Variants in TANGO2 observed in about 807,000 individuals in gnomAD.
TANGO2 encodes transport and Golgi organization protein 2 homolog.
A neutral mutation model predicts 39.1 loss-of-function variants in TANGO2; 26 were observed. The ratio of observed to expected loss-of-function variants is 0.67; its 90% CI spans 0.49 to 0.92. TANGO2 has a LOEUF of 0.92. Ranked by LOEUF, TANGO2 falls within the 40% of genes least tolerant of loss-of-function variation. The pLI, the probability that TANGO2 is intolerant of heterozygous loss-of-function variation, is 0.00. For missense variants in TANGO2, 326 were observed against 360.1 expected (o/e 0.91, Z 0.77); for synonymous variants, 131 against 144.5 (o/e 0.91, Z 0.67).
At chr22:20,036,705 G>A in intron 1 of TANGO2, 55 bp from the exon 2 acceptor site, 1 of 1,485,374 alleles carries the variant, frequency 6.7e-7, no homozygotes, top group Non-Finnish European at 9.4e-7. Context: ...CAGGTTCGGA[G>A]GGCAGCCCTG....
chr22:20,056,747 A>G (rs561397630), intron 6 of TANGO2: 15 of 456,222 alleles, frequency 3.3e-5, no homozygotes, highest in Non-Finnish European at 5.3e-5. Context: ...CTCCTGGGAA[A>G]TGGCATTTCC....
At chr22:20,030,441 G>T (rs62223729) in intron 1 of TANGO2, among the ~76,000 whole-genome samples, 5 of 152,062 alleles carry the variant, frequency 3.3e-5, no homozygotes, top group Non-Finnish European at 7.4e-5. Context: ...CTGCCTCCTG[G>T]GTTCAAGCAA....
chr22:20,052,190 G>T (rs1232881076), intron 3 of TANGO2, among the ~76,000 whole-genome samples: 1 of 152,222 alleles, frequency 6.6e-6, no homozygotes, highest in Admixed American at 6.5e-5. Flanking sequence ...GATGTGTTCT[G>T]CAGGGCATCT....
chr22:20,031,556 TACATATCTGG>T (rs1362441630), intron 1 of TANGO2, among the ~76,000 whole-genome samples: 1 of 152,246 alleles, frequency 6.6e-6, no homozygotes, highest in Admixed American at 6.5e-5. Flanking sequence ...CAGCCTGGGC[TACATATCTGG>T]GCTCTTCCAT....
In TANGO2 at chr22:20,064,641, T is replaced by G. The variant is rs759747763; in HGVS notation, c.810T>G (p.Tyr270Ter). ...KDLSHWETRT[Y>*]EFTLQS ...TCTCCCACTGGGAGACCAGAACCTA[T>G]GAGTTCACACTGCAGAGCTAACCCC... The change falls in exon 9 of 9, where the codon TAT becomes TAG. Residue 270 changes from tyrosine (Y) to a stop codon, truncating the protein, a stop_gained. Transcript: ENST00000327374. LOFTEE classifies it high-confidence loss of function. 1 of 1,614,116 alleles carries G rather than the reference T, an allele frequency of 6.2e-7. No individual in the cohort carries two copies. The highest frequency in any genetic ancestry group is 8.5e-7 in the Non-Finnish European group (1 of 1,179,990).
intron 1 of TANGO2, among the ~76,000 whole-genome samples, chr22:20,027,683 C>CT (rs2041040813): frequency 6.6e-6 from 1 of 152,116 alleles, no homozygotes; most frequent in Non-Finnish European, 1.5e-5. Context: ...TCATAGCTCA[C>CT]TGCAGCCTCA....
At chr22:20,029,550 C>T (rs918182506) in intron 1 of TANGO2, among the ~76,000 whole-genome samples, 14 of 152,278 alleles carry the variant, frequency 9.2e-5, no homozygotes, top group Non-Finnish European at 1.9e-4. Context: ...GTGAAGAGGG[C>T]TCTCTCTTTC....
Position 20,039,799 on chromosome 22 carries a change from C to T in TANGO2, c.56+2945C>T, listed in dbSNP as rs114114568. ...GATCTCAGGCCAGAGTACCTCCTAT[C>T]TGTCACCAAACTGTCCCCCAGACAG... On this transcript the variant is annotated intron_variant, in intron 2 of 8. Transcript: ENST00000327374. Among the ~76,000 whole-genome samples the T allele has an allele frequency of 9.8e-3, 1,489 of 151,996 alleles. 25 individuals carry two copies. The highest frequency in any genetic ancestry group is 0.034 in the African/African-American group (1,408 of 41,418).
At chr22:20,040,967 G>A (rs2043793997) in intron 2 of TANGO2, among the ~76,000 whole-genome samples, 1 of 152,206 alleles carries the variant, frequency 6.6e-6, no homozygotes, top group Non-Finnish European at 1.5e-5. Context: ...CACCCTGGAG[G>A]TGGTAAGGCT....
At chr22:20,056,851 T>C (rs1263168476) in intron 6 of TANGO2, 1 of 456,632 alleles carries the variant, frequency 2.2e-6, no homozygotes, top group Non-Finnish European at 4.4e-6. Context: ...CACTCCTCGC[T>C]GGTGGCATCG....
At chr22:20,054,019 A>T (rs2046901903) in intron 5 of TANGO2, 4 of 322,912 alleles carry the variant, frequency 1.2e-5, no homozygotes, top group Non-Finnish European at 2.4e-5. Context: ...CCCCCTCCAA[A>T]GCCCCAGAAC....
At chr22:20,018,646 A>G, upstream of TANGO2, among the ~76,000 whole-genome samples, 1 of 152,194 alleles carries the variant, frequency 6.6e-6, no homozygotes, top group East Asian at 1.9e-4. Flanking sequence ...TACCACCCAT[A>G]GGGTTGCAGA....
Position 20,065,001 on chromosome 22 carries a change from C to A in TANGO2, c.*339C>A, listed in dbSNP as rs531880310. 1.4e-5 allele frequency: 4 copies of A among 281,714 alleles called. No individual in the cohort carries two copies. In the South Asian group the frequency reaches 2.1e-4, roughly 15 times the overall value. 17.5% of individuals were successfully genotyped at this position (281,714 alleles called of 1,614,324 possible). A position where few individuals can be genotyped will look rare whatever the true frequency, so the allele number is the denominator to read the frequency against. On this transcript the variant is annotated 3_prime_UTR_variant, in exon 9 of 9. Coordinates refer to ENST00000327374, the MANE Select transcript of TANGO2 (RefSeq NM_152906.7). Reference sequence around the variant, plus strand: ...ACTCCTGCGTGTGCACAAGCACACACATGCAAGCCATATACATGGACACCG... The same window carrying A: ...ACTCCTGCGTGTGCACAAGCACACAAATGCAAGCCATATACATGGACACCG...
At chr22:20,063,649 C>A in intron 8 of TANGO2, 6 of 537,158 alleles carry the variant, frequency 1.1e-5, no homozygotes, top group South Asian at 2.5e-5. Context: ...GCTTAAGGAG[C>A]CAGTACACAG....
chr22:20,017,038 T>TGCG (rs1289600805), upstream of TANGO2: 3 of 152,216 alleles, frequency 2.0e-5, no homozygotes, highest in East Asian at 5.8e-4. Context: ...CCCGAACCTC[T>TGCG]GCGGCGGCGG....
At chr22:20,024,797 G>C (rs763043555) in intron 1 of TANGO2, among the ~76,000 whole-genome samples, 11 of 152,120 alleles carry the variant, frequency 7.2e-5, no homozygotes, top group Non-Finnish European at 1.6e-4. Context: ...TTGCCTTTTC[G>C]CTTGCCAAAG....
At chr22:20,021,732 C>T (rs1212857656) in intron 1 of TANGO2, among the ~76,000 whole-genome samples, 1 of 152,222 alleles carries the variant, frequency 6.6e-6, no homozygotes, top group Non-Finnish European at 1.5e-5. Flanking sequence ...GGGCTGCACT[C>T]AGGGCAGTCC....
intron 1 of TANGO2, among the ~76,000 whole-genome samples, chr22:20,021,815 G>C (rs890884968): frequency 6.6e-6 from 1 of 152,226 alleles, no homozygotes; most frequent in Non-Finnish European, 1.5e-5. Flanking sequence ...ACAGAGGGCT[G>C]TTTGCTGAGA....
chr22:20,041,656 C>T (rs1420796003), intron 2 of TANGO2, among the ~76,000 whole-genome samples: 1 of 152,128 alleles, frequency 6.6e-6, no homozygotes, highest in Non-Finnish European at 1.5e-5. Flanking sequence ...CCATCTTGGC[C>T]AGGCTGGTCT....
Sources: allele counts gnomAD v4.1 joint callset (sites outside exome capture counted in the v4.1 genomes callset), GRCh38; gene constraint gnomAD v4.1.1; transcripts MANE v1.5; gene names NCBI Gene and HGNC (gene_info 2026-07-23, HGNC 2026-07-21).